The following NRXN1 variants were observed in gnomAD, a reference collection of about 807,000 sequenced individuals.
NRXN1 encodes neurexin-1.
NRXN1 carries 39 observed loss-of-function variants against 150.9 expected under a neutral mutation model. That is an observed-to-expected ratio of 0.26 (90% confidence interval 0.20 to 0.34). The LOEUF (loss-of-function observed/expected upper bound fraction) is 0.34, where lower values mean the gene tolerates loss of function less well. Ranked by LOEUF, NRXN1 falls within the 10% of genes least tolerant of loss-of-function variation. The pLI, the probability that NRXN1 is intolerant of heterozygous loss-of-function variation, is 1.00. For synonymous variants in NRXN1, 924 were observed against 757.0 expected (o/e 1.22, Z -3.62); for missense variants, 1,815 against 1,949.9 (o/e 0.93, Z 1.30).
intron 18 of NRXN1, among the ~76,000 whole-genome samples, chr2:50,161,771 C>T (rs562909825): frequency 6.6e-5 from 10 of 152,124 alleles, no homozygotes; most frequent in African/African-American, 2.4e-4. Context: ...AAGAATCTTG[C>T]TTATTTTTTA....
At position 50,206,310 on chromosome 2, in the gene NRXN1, G is replaced by A. The variant is rs555085207; in HGVS notation, c.3546+30479C>T. On this transcript the variant is annotated intron_variant, in intron 18 of 22. Coordinates refer to ENST00000401669, the MANE Select transcript of NRXN1 (RefSeq NM_001330078.2). ...CATTTTGAAAACCAGTTTTAGGACA[G>A]GTTGTTGTAAACAAAAGTATTCACG... is the stretch of plus-strand genomic sequence containing the variant. Among the ~76,000 whole-genome samples, 58 of 151,850 alleles carry A rather than the reference G, an allele frequency of 3.8e-4. 1 individual carries two copies. The East Asian group carries it at 0.011, about 28-fold the overall frequency.
At chr2:50,441,227 C>G (rs2085923705) in intron 17 of NRXN1, among the ~76,000 whole-genome samples, 2 of 152,082 alleles carry the variant, frequency 1.3e-5, no homozygotes, top group Non-Finnish European at 2.9e-5. Flanking sequence ...AATGTAGCCA[C>G]TTGTCTTAGG....
At chr2:50,662,702 T>C (rs1201058327) in intron 5 of NRXN1, among the ~76,000 whole-genome samples, 1 of 152,000 alleles carries the variant, frequency 6.6e-6, no homozygotes, top group African/African-American at 2.4e-5. Flanking sequence ...GGGAATCCCT[T>C]GTTTAGGGCA....
intron 19 of NRXN1, among the ~76,000 whole-genome samples, chr2:50,081,636 T>A (rs564421489): frequency 6.6e-6 from 1 of 152,232 alleles, no homozygotes; most frequent in East Asian, 1.9e-4. Context: ...AGCATGAAAA[T>A]CATGAGACTT....
chr2:50,156,451 C>T (rs2059026778), intron 18 of NRXN1, among the ~76,000 whole-genome samples: 2 of 151,842 alleles, frequency 1.3e-5, no homozygotes, highest in African/African-American at 4.8e-5. Flanking sequence ...TTTTTGTCCA[C>T]CTATAAAAAA....
At chr2:50,247,074 C>T (rs1014593250) in intron 17 of NRXN1, among the ~76,000 whole-genome samples, 1 of 151,928 alleles carries the variant, frequency 6.6e-6, no homozygotes, top group African/African-American at 2.4e-5. Context: ...GTGATCCATC[C>T]CATGCCTACA....
intron 18 of NRXN1, among the ~76,000 whole-genome samples, chr2:50,109,525 T>A (rs1224490258): frequency 2.0e-5 from 3 of 152,078 alleles, no homozygotes; most frequent in African/African-American, 7.2e-5. Flanking sequence ...CTAAAATTGT[T>A]TATCAGTTTG....
chr2:50,500,946 G>A (rs926574243), intron 13 of NRXN1, among the ~76,000 whole-genome samples: 20 of 152,278 alleles, frequency 1.3e-4, no homozygotes, highest in Admixed American at 1.1e-3. Flanking sequence ...GAGAGGGGCA[G>A]AAAGGGCCCA....
intron 8 of NRXN1, among the ~76,000 whole-genome samples, chr2:50,611,603 G>T (rs1678147096): frequency 6.6e-6 from 1 of 152,156 alleles, no homozygotes; most frequent in Non-Finnish European, 1.5e-5. Flanking sequence ...ACAATGCACA[G>T]AAGTGAACTT....
intron 21 of NRXN1, among the ~76,000 whole-genome samples, chr2:50,006,620 C>T (rs140746955): frequency 1.7e-3 from 258 of 152,244 alleles, no homozygotes; most frequent in African/African-American, 6.0e-3. Context: ...CTCAACATTG[C>T]CTGTTGATAT....
chr2:50,166,452 G>A (rs1190042687), intron 18 of NRXN1, among the ~76,000 whole-genome samples: 1 of 151,974 alleles, frequency 6.6e-6, no homozygotes, highest in Non-Finnish European at 1.5e-5. Flanking sequence ...TTCTGAAGAA[G>A]CTTGGAAGCA....
At chr2:50,636,885 G>T (rs182583329) in intron 5 of NRXN1, among the ~76,000 whole-genome samples, 37 of 152,100 alleles carry the variant, frequency 2.4e-4, no homozygotes, top group African/African-American at 8.9e-4. Context: ...GCAAATATAC[G>T]CATAGAAAAT....
intron 21 of NRXN1, among the ~76,000 whole-genome samples, chr2:49,957,561 G>T (rs933133768): frequency 6.6e-6 from 1 of 152,096 alleles, no homozygotes; most frequent in Non-Finnish European, 1.5e-5. Flanking sequence ...AAACAGAGAA[G>T]ATTATATGTT....
At chr2:50,558,518 CAAGT>C (rs529251116) in intron 8 of NRXN1, among the ~76,000 whole-genome samples, 40 of 152,130 alleles carry the variant, frequency 2.6e-4, no homozygotes, top group Non-Finnish European at 5.1e-4. Flanking sequence ...TCAAATGTCA[CAAGT>C]AAGTAGAGGA....
intron 5 of NRXN1, among the ~76,000 whole-genome samples, chr2:50,752,063 G>A (rs746055556): frequency 2.0e-5 from 3 of 151,916 alleles, no homozygotes; most frequent in East Asian, 3.9e-4. Context: ...GTTATTTCAC[G>A]TGCAGGCTGT....
chr2:49,990,466 A>G (rs1681735349), intron 21 of NRXN1, among the ~76,000 whole-genome samples: 2 of 152,314 alleles, frequency 1.3e-5, no homozygotes, highest in Admixed American at 1.3e-4. Flanking sequence ...GAATAATGAC[A>G]TAATTTTATT....
At chr2:50,138,589 G>A (rs11675607) in intron 18 of NRXN1, among the ~76,000 whole-genome samples, 15,962 of 152,192 alleles carry the variant, frequency 0.1, 980 homozygotes, top group East Asian at 0.18. Context: ...TCACTGCCCC[G>A]TTAGCTATCC....
intron 17 of NRXN1, among the ~76,000 whole-genome samples, chr2:50,358,541 T>G (rs970112172): frequency 2.0e-5 from 3 of 152,156 alleles, no homozygotes; most frequent in Non-Finnish European, 4.4e-5. Flanking sequence ...ATTCCTGCCC[T>G]CTGGGCAGGA....
intron 21 of NRXN1, among the ~76,000 whole-genome samples, chr2:49,987,759 GTTT>G (rs143744994): frequency 4.8e-5 from 7 of 145,476 alleles, no homozygotes; most frequent in Admixed American, 6.9e-5. Flanking sequence ...ATGAAACAAC[GTTT>G]TTTTTTTTTT....
Sources: allele counts gnomAD v4.1 joint callset (sites outside exome capture counted in the v4.1 genomes callset), GRCh38; gene constraint gnomAD v4.1.1; transcripts MANE v1.5; gene names NCBI Gene and HGNC (gene_info 2026-07-23, HGNC 2026-07-21).